OLFML2B: variants seen among roughly 807,000 people sequenced by gnomAD.
The protein encoded by OLFML2B is olfactomedin like 2B, also known as olfactomedin-like protein 2B.
A neutral mutation model predicts 74.9 loss-of-function variants in OLFML2B; 57 were observed. The observed-to-expected ratio is 0.76, with a 90% CI of 0.61 to 0.95. The LOEUF (loss-of-function observed/expected upper bound fraction) is 0.95. Ranked by LOEUF, OLFML2B falls within the 40% of genes least tolerant of loss-of-function variation. The probability of loss-of-function intolerance (pLI) is 0.00; values close to 1 mark genes in which losing one functional copy is unlikely to be tolerated. For synonymous variants in OLFML2B, 388 were observed against 405.8 expected, an observed-to-expected ratio of 0.96 and a Z score of 0.53; for missense variants, 986 against 970.6, an observed-to-expected ratio of 1.02 and a Z score of -0.21.
rs1020999599 is a variant in OLFML2B, at chr1:161,983,368, G to A, written c.*307C>T. 6 of 218,418 alleles carry A rather than the reference G, an allele frequency of 2.7e-5. No homozygotes were observed. The East Asian group carries it at 6.1e-4, about 22-fold the overall frequency. 13.5% of individuals were successfully genotyped at this position (218,418 alleles called of 1,614,324 possible). ...ACCCAGATGAAGAAACCTTTTCAAT[G>A]GTCGAGATCTGAGACTTGGAGCTGG... On this transcript the variant is annotated 3_prime_UTR_variant, in exon 8 of 8. Coordinates refer to ENST00000294794, the MANE Select transcript of OLFML2B (RefSeq NM_015441.3).
intron 3 of OLFML2B, among the ~76,000 whole-genome samples, chr1:162,007,273 C>T (rs746096983): frequency 6.6e-6 from 1 of 152,162 alleles, no homozygotes; most frequent in Non-Finnish European, 1.5e-5. Flanking sequence ...TAACTGGAGA[C>T]AGACAAACCA....
chr1:162,007,966 C>T (rs953414663), intron 3 of OLFML2B, among the ~76,000 whole-genome samples: 9 of 152,304 alleles, frequency 5.9e-5, no homozygotes, highest in African/African-American at 1.9e-4. Context: ...AGCTAAGTTC[C>T]ATGAGAAAGA....
intron 5 of OLFML2B, 151 bp from the exon 6 acceptor site, chr1:161,998,500 G>C (rs1398417780): frequency 8.6e-6 from 7 of 815,658 alleles, no homozygotes; most frequent in Non-Finnish European, 1.3e-5. Context: ...GATTTTGGAA[G>C]AAGGTGTACA....
intron 6 of OLFML2B, among the ~76,000 whole-genome samples, chr1:161,994,970 T>C (rs1689851372): frequency 6.6e-6 from 1 of 152,188 alleles, no homozygotes; most frequent in South Asian, 2.1e-4. Flanking sequence ...AAACAAGCTT[T>C]CCCAGGTAGC....
chr1:162,010,623 G>A (rs917952500), intron 3 of OLFML2B, among the ~76,000 whole-genome samples: 6 of 152,100 alleles, frequency 3.9e-5, no homozygotes, highest in African/African-American at 1.4e-4. Flanking sequence ...GCGTGTGCCC[G>A]GGTGAGACCG....
At chr1:162,006,199 G>A (rs1690224541) in intron 4 of OLFML2B, 98 bp downstream of exon 4, 7 of 1,185,346 alleles carry the variant, frequency 5.9e-6, no homozygotes, top group Non-Finnish European at 8.1e-6. Context: ...TCATCTCTGT[G>A]AAAGGACTGA....
chr1:162,003,685 C>T (rs1220529504), intron 4 of OLFML2B, among the ~76,000 whole-genome samples: 1 of 152,188 alleles, frequency 6.6e-6, no homozygotes, highest in Non-Finnish European at 1.5e-5. Flanking sequence ...CAACCCAGCC[C>T]CCAGAGCCCC....
chr1:161,996,693 C>T (rs972528888), intron 6 of OLFML2B, among the ~76,000 whole-genome samples: 3 of 152,200 alleles, frequency 2.0e-5, no homozygotes, highest in African/African-American at 7.2e-5. Flanking sequence ...AACTGGCTCC[C>T]ATTTTTCCTT....
At chr1:162,012,118 G>C (rs554362963) in intron 3 of OLFML2B, among the ~76,000 whole-genome samples, 2 of 152,142 alleles carry the variant, frequency 1.3e-5, no homozygotes, top group African/African-American at 4.8e-5. Context: ...AAGTCAGGCC[G>C]GGTAAGCAGT....
rs139894605 is a variant in OLFML2B at position 161,983,781 on chromosome 1, T to G, written c.2147A>C (p.Asn716Thr). The part of the protein sequence containing the change: ...TQIVPRLLFE[N>T]EYSYTTQIDY... ...TATCTGGGTCGTATAGGAATACTCA[T>G]TCTCGAACAGCAGCCTGGGGACGAT... The change falls in exon 8 of 8, where the codon AAT becomes ACT. Residue 716 changes from asparagine to threonine, a missense_variant. By Grantham distance (65) the Asn-to-Thr change is moderately conservative (BLOSUM62 0). Transcript: ENST00000294794. The G allele has an allele frequency of 3.7e-6, 6 of 1,613,972 alleles. No homozygotes were observed. In the African/African-American group the frequency reaches 8.0e-5, roughly 22 times the overall value.
At chr1:161,993,350 G>A (rs1689796333) in intron 6 of OLFML2B, among the ~76,000 whole-genome samples, 6 of 152,044 alleles carry the variant, frequency 3.9e-5, no homozygotes, top group Admixed American at 6.5e-5. Context: ...GTCTCCCTCT[G>A]TGACCCACTG....
At chr1:162,018,473 A>G (rs1339342428) in intron 2 of OLFML2B, among the ~76,000 whole-genome samples, 2 of 152,242 alleles carry the variant, frequency 1.3e-5, no homozygotes, top group Non-Finnish European at 2.9e-5. Flanking sequence ...TCTGAAAGAC[A>G]TCGACAGGTT....
intron 3 of OLFML2B, among the ~76,000 whole-genome samples, chr1:162,016,064 A>G (rs2101977539): frequency 6.6e-6 from 1 of 152,308 alleles, no homozygotes; most frequent in East Asian, 1.9e-4. Context: ...ACTTTCCGGG[A>G]AAATTTTAAG....
intron 6 of OLFML2B, among the ~76,000 whole-genome samples, chr1:161,997,162 A>C (rs961314246): frequency 6.6e-6 from 1 of 152,184 alleles, no homozygotes; most frequent in Non-Finnish European, 1.5e-5. Context: ...GTCTCAAAAA[A>C]GAAAAAAAAA....
intron 1 of OLFML2B, among the ~76,000 whole-genome samples, chr1:162,021,882 G>A (rs1690712400): frequency 1.3e-5 from 2 of 152,124 alleles, no homozygotes; most frequent in African/African-American, 2.4e-5. Flanking sequence ...AGATTTTTAT[G>A]TCTTTTCGAT....
Position 162,023,376 on chromosome 1 carries a change from A to T in OLFML2B, c.55T>A (p.Trp19Arg). 6.2e-7 allele frequency: 1 copy of T among 1,603,866 alleles called. No homozygotes were observed. Among genetic ancestry groups the T allele is most frequent in the Non-Finnish European group, 8.5e-7 (1 of 1,174,076 alleles). The part of the protein sequence containing the change: ...LYFALIVVPA[W>R]VSSIVLTGTS... ...CCTGTGAGGACAATGCTGGACACCC[A>T]GGCCGGAACCACAATCAGAGCGAAG... The change falls in exon 1 of 8, where the codon TGG (tryptophan) becomes AGG (arginine). Residue 19 changes from tryptophan to arginine, a missense_variant. Coordinates refer to ENST00000294794, the MANE Select transcript of OLFML2B (RefSeq NM_015441.3).
At chr1:162,006,693 C>G (rs1406196528) in intron 3 of OLFML2B, among the ~76,000 whole-genome samples, 1 of 152,174 alleles carries the variant, frequency 6.6e-6, no homozygotes, top group Non-Finnish European at 1.5e-5. Context: ...GGATATCCAA[C>G]TACAGAAAAT....
At chr1:162,009,236 C>G (rs577275112) in intron 3 of OLFML2B, among the ~76,000 whole-genome samples, 3 of 152,226 alleles carry the variant, frequency 2.0e-5, no homozygotes, top group Non-Finnish European at 4.4e-5. Flanking sequence ...GCACTGACTC[C>G]TCAGCCAGGT....
At position 162,000,134 on chromosome 1, in the gene OLFML2B, C is replaced by G. The variant is rs1384537560; in HGVS notation, c.928G>C (p.Glu310Gln). Residue 310 changes from glutamate (E) to glutamine (Q), a missense_variant, in exon 5 of 8, where the codon GAG becomes CAG. Glu to Gln is a conservative substitution (Grantham distance 29). Transcript: ENST00000294794. Reference protein sequence around the residue: ...TYYKAKVSEEENDIEEQQDEF... With the variant: ...TYYKAKVSEEQNDIEEQQDEF... ...TCACGCTGCTCTTCAATGTCATTCTCTTCTTCAGAGACCTTGGCTTTATAG... is the reference window on the plus strand; with the variant it reads ...TCACGCTGCTCTTCAATGTCATTCTGTTCTTCAGAGACCTTGGCTTTATAG... The G allele has an allele frequency of 6.2e-7, 1 of 1,603,734 alleles. No homozygotes were observed. The highest frequency in any genetic ancestry group is 1.1e-5 in the South Asian group (1 of 90,598).
Sources: allele counts gnomAD v4.1 joint callset (sites outside exome capture counted in the v4.1 genomes callset), GRCh38; gene constraint gnomAD v4.1.1; transcripts MANE v1.5; gene names NCBI Gene and HGNC (gene_info 2026-07-23, HGNC 2026-07-21).